The following NAMPT variants were observed in gnomAD, a reference collection of about 807,000 sequenced individuals.
NAMPT encodes NAmPRTase.
NAMPT carries 7 observed loss-of-function variants against 58.7 expected under a neutral mutation model. That is an observed-to-expected ratio of 0.12 (90% CI 0.07 to 0.22). The LOEUF is 0.22. NAMPT is among the 10% of genes least tolerant of loss of function. The probability of loss-of-function intolerance (pLI) is 1.00; values close to 1 mark genes in which losing one functional copy is unlikely to be tolerated. For missense variants in NAMPT, 271 were observed against 567.9 expected, an observed-to-expected ratio of 0.48 and a Z score of 5.31; for synonymous variants, 145 against 198.1, an observed-to-expected ratio of 0.73 and a Z score of 2.25.
At chr7:106,254,323 A>G in intron 9 of NAMPT, 41 bp downstream of exon 9, 1 of 1,604,048 alleles carries the variant, frequency 6.2e-7, no homozygotes, top group South Asian at 1.1e-5. Flanking sequence ...CTAGATACAT[A>G]AGGAAGGTAG....
intron 3 of NAMPT, among the ~76,000 whole-genome samples, chr7:106,274,394 T>C (rs1408135001): frequency 2.6e-5 from 4 of 152,156 alleles, no homozygotes; most frequent in African/African-American, 7.2e-5. Flanking sequence ...TATATGCTAA[T>C]GATTTAACAT....
At chr7:106,284,721 CCCCAG>C in intron 1 of NAMPT, 102 bp downstream of exon 1, 1 of 820,806 alleles carries the variant, frequency 1.2e-6, no homozygotes, top group Non-Finnish European at 1.6e-6. Context: ...GCGACCCTAG[CCCCAG>C]CCCCAGCCCC....
chr7:106,261,327 T>C (rs900178675), intron 8 of NAMPT, among the ~76,000 whole-genome samples: 2 of 152,198 alleles, frequency 1.3e-5, no homozygotes, highest in African/African-American at 4.8e-5. Flanking sequence ...TTGACTGACA[T>C]TTCCTTGTTT....
chr7:106,270,328 C>T (rs914017204), intron 4 of NAMPT: 3 of 370,374 alleles, frequency 8.1e-6, no homozygotes, highest in Non-Finnish European at 1.7e-5. Context: ...GATGCAATGT[C>T]TGTGCTGAAC....
At chr7:106,285,770 G>A (rs1483513539), upstream of NAMPT, 1 of 168,386 alleles carries the variant, frequency 5.9e-6, no homozygotes, top group Non-Finnish European at 1.2e-5. Context: ...AAGAGCCTGC[G>A]TTGAAAAGCG....
chr7:106,256,578 TAAC>T (rs1792202958), intron 8 of NAMPT, among the ~76,000 whole-genome samples: 2 of 152,332 alleles, frequency 1.3e-5, no homozygotes, highest in East Asian at 1.9e-4. Flanking sequence ...TGGTTCAACT[TAAC>T]AACGGTGCAA....
chr7:106,271,231 T>TGA (rs1792527580), intron 4 of NAMPT, among the ~76,000 whole-genome samples: 1 of 152,210 alleles, frequency 6.6e-6, no homozygotes, highest in Non-Finnish European at 1.5e-5. Context: ...TATACATTTT[T>TGA]CACTTTTATG....
At position 106,269,079 on chromosome 7, in the gene NAMPT, G is replaced by A. The variant is rs968516196; in HGVS notation, c.606+75C>T. 111 of 1,367,930 alleles carry A rather than the reference G, an allele frequency of 8.1e-5. No individual in the cohort carries two copies. The African/African-American group carries it at 9.8e-4, about 12-fold the overall frequency. The allele number at this position is 1,367,930 out of a possible 1,614,324, so 84.7% of individuals were successfully genotyped here. The stretch of plus-strand genomic sequence containing the variant: ...TAGAACCAAGATCAATCTCAATAAC[G>A]TCCCCAAAAGTTTACAGTGGTACTC... On this transcript the variant is annotated intron_variant, in intron 5 of 10. Transcript: ENST00000222553.
At chr7:106,254,634 T>G (rs1014555632) in intron 8 of NAMPT, 130 bp from the exon 9 acceptor site, 1 of 1,036,404 alleles carries the variant, frequency 9.6e-7, no homozygotes, top group Non-Finnish European at 1.4e-6. Flanking sequence ...TAAATAATTA[T>G]AGCCCGCATT....
At chr7:106,255,702 G>A (rs756422070) in intron 8 of NAMPT, among the ~76,000 whole-genome samples, 2 of 152,114 alleles carry the variant, frequency 1.3e-5, no homozygotes, top group East Asian at 1.9e-4. Context: ...TAGGATGCAC[G>A]CAAATCCAGT....
rs769070307 is a variant in NAMPT at position 106,267,840 on chromosome 7, CAAAAAAAAAAAAAA to C, written c.743+610_743+623del. On this transcript the variant is annotated intron_variant, in intron 6 of 10. Transcript: ENST00000222553. ...TGGGCGACAGAGCGAGACTCCGTCT[CAAAAAAAAAAAAAA>C]AAAAAAAAAAAAAAAAAAAAAACAA... Among the ~76,000 whole-genome samples, 83 of 33,178 alleles carry C rather than the reference CAAAAAAAAAAAAAA, an allele frequency of 2.5e-3. 1 individual carries two copies. The highest frequency in any genetic ancestry group is 4.5e-3 in the South Asian group (2 of 444). 21.8% of individuals were successfully genotyped at this position (33,178 alleles called of 152,430 possible). A position where few individuals can be genotyped will look rare whatever the true frequency, so the allele number is the denominator to read the frequency against.
intron 6 of NAMPT, among the ~76,000 whole-genome samples, chr7:106,268,045 C>T (rs1792461396): frequency 6.6e-6 from 1 of 151,764 alleles, no homozygotes; most frequent in Non-Finnish European, 1.5e-5. Context: ...TTCTCATCTA[C>T]AACTGAAGGT....
chr7:106,276,905 C>A, intron 2 of NAMPT, 118 bp downstream of exon 2: 1 of 807,486 alleles, frequency 1.2e-6, no homozygotes, highest in Non-Finnish European at 2.0e-6. Flanking sequence ...ATCAAACACA[C>A]ACCAAATTAT....
intron 4 of NAMPT, among the ~76,000 whole-genome samples, chr7:106,270,591 A>G (rs1792513598): frequency 6.6e-6 from 1 of 152,190 alleles, no homozygotes; most frequent in Admixed American, 6.5e-5. Flanking sequence ...TGACGAACAG[A>G]ATGTGGAGAA....
chr7:106,255,927 G>A (rs575679373), intron 8 of NAMPT, among the ~76,000 whole-genome samples: 16 of 152,270 alleles, frequency 1.1e-4, no homozygotes, highest in African/African-American at 3.4e-4. Context: ...ATATGCTTCA[G>A]AGGCAAAAAC....
intron 8 of NAMPT, among the ~76,000 whole-genome samples, chr7:106,260,846 A>G (rs10808150): frequency 0.5 from 76,203 of 152,114 alleles, 21,916 homozygotes; most frequent in East Asian, 0.89. Flanking sequence ...TTATCAATTA[A>G]GTTCACTGCC....
At chr7:106,254,726 T>C (rs753249384) in intron 8 of NAMPT, among the ~76,000 whole-genome samples, 15 of 152,148 alleles carry the variant, frequency 9.9e-5, no homozygotes, top group African/African-American at 1.4e-4. Flanking sequence ...TGAATCTGCA[T>C]TGCTGTCACT....
chr7:106,262,460 A>G (rs577288608), intron 7 of NAMPT, among the ~76,000 whole-genome samples: 1 of 152,224 alleles, frequency 6.6e-6, no homozygotes, highest in Admixed American at 6.5e-5. Flanking sequence ...TACATTTTTT[A>G]TTACGTAACA....
chr7:106,261,316 C>A (rs1262605349), intron 8 of NAMPT, among the ~76,000 whole-genome samples: 2 of 152,130 alleles, frequency 1.3e-5, no homozygotes, highest in Non-Finnish European at 2.9e-5. Flanking sequence ...AGGAATATTT[C>A]TTGACTGACA....
Sources: allele counts gnomAD v4.1 joint callset (sites outside exome capture counted in the v4.1 genomes callset), GRCh38; gene constraint gnomAD v4.1.1; transcripts MANE v1.5; gene names NCBI Gene and HGNC (gene_info 2026-07-23, HGNC 2026-07-21).